Variants in SLC9C1 observed in about 807,000 individuals in gnomAD.
SLC9C1 encodes sodium/hydrogen exchanger 10.
Under a neutral mutation model 140.9 loss-of-function variants are expected in SLC9C1, and 97 were observed. The ratio of observed to expected loss-of-function variants is 0.69; its 90% CI spans 0.58 to 0.82. SLC9C1 has a LOEUF of 0.82. Ranked by LOEUF, SLC9C1 falls within the 40% of genes least tolerant of loss-of-function variation. SLC9C1 has a pLI of 0.00. For synonymous variants in SLC9C1, 440 were observed against 442.6 expected (o/e 0.99, Z 0.07); for missense variants, 1,340 against 1,389.3 (o/e 0.96, Z 0.56).
chr3:112,233,267 C>T (rs1489805874), intron 12 of SLC9C1, among the ~76,000 whole-genome samples: 1 of 151,748 alleles, frequency 6.6e-6, no homozygotes, highest in Non-Finnish European at 1.5e-5. Flanking sequence ...ATGGTTTTGG[C>T]ATGTTGCCAG....
chr3:112,242,283 A>G (rs1559703726), intron 11 of SLC9C1, among the ~76,000 whole-genome samples: 1 of 152,158 alleles, frequency 6.6e-6, no homozygotes, highest in Non-Finnish European at 1.5e-5. Context: ...GCAAAGGTTA[A>G]GTGTCCATCA....
intron 20 of SLC9C1, among the ~76,000 whole-genome samples, chr3:112,187,858 A>C (rs2077568968): frequency 6.6e-6 from 1 of 152,088 alleles, no homozygotes; most frequent in Non-Finnish European, 1.5e-5. Context: ...TAAAAATCTA[A>C]AATGACCATC....
chr3:112,255,477 A>T (rs1025381896), intron 10 of SLC9C1, among the ~76,000 whole-genome samples: 2 of 152,186 alleles, frequency 1.3e-5, no homozygotes, highest in African/African-American at 4.8e-5. Context: ...CTGCTTCTTA[A>T]TGAGTTTTGG....
chr3:112,200,323 A>T (rs1240014913), intron 19 of SLC9C1, among the ~76,000 whole-genome samples: 1 of 152,094 alleles, frequency 6.6e-6, no homozygotes, highest in African/African-American at 2.4e-5. Flanking sequence ...TAAGACCTAA[A>T]TCCTTAAATG....
rs114032968 is a variant in SLC9C1 at position 112,176,510 on chromosome 3, G to A, written c.2919+3021C>T. Among the ~76,000 whole-genome samples, 948 of 152,228 alleles carry A rather than the reference G, an allele frequency of 6.2e-3. 14 individuals are homozygous for A. The highest frequency in any genetic ancestry group is 0.022 in the African/African-American group (907 of 41,528). On this transcript the variant is annotated intron_variant, in intron 23 of 28. Coordinates refer to ENST00000305815, the MANE Select transcript of SLC9C1 (RefSeq NM_183061.3). Reference sequence around the variant, plus strand: ...AAGTCTTTGACCAATCTATAGTCTGGACAATCTCCATGATGGTTTTTACCG... The same window carrying A: ...AAGTCTTTGACCAATCTATAGTCTGAACAATCTCCATGATGGTTTTTACCG...
At chr3:112,214,085 G>T (rs146850805) in intron 15 of SLC9C1, among the ~76,000 whole-genome samples, 1 of 152,140 alleles carries the variant, frequency 6.6e-6, no homozygotes, top group Non-Finnish European at 1.5e-5. Context: ...CATGGAAACC[G>T]AACAACCAGC....
At chr3:112,177,891 A>C (rs2077369875) in intron 23 of SLC9C1, among the ~76,000 whole-genome samples, 1 of 150,948 alleles carries the variant, frequency 6.6e-6, no homozygotes, top group Non-Finnish European at 1.5e-5. Context: ...TATCATAAAT[A>C]TATAATTTTA....
intron 26 of SLC9C1, among the ~76,000 whole-genome samples, chr3:112,157,892 T>C (rs2075173262): frequency 6.6e-6 from 1 of 151,956 alleles, no homozygotes; most frequent in South Asian, 2.1e-4. Context: ...CTTTGCTGGA[T>C]TTATCAGTTT....
chr3:112,217,415 T>A lies in SLC9C1; in HGVS notation c.1790+27A>T, dbSNP rs571961304. 4.1e-5 allele frequency: 64 copies of A among 1,556,402 alleles called. 1 individual carries two copies. In the South Asian group the frequency reaches 7.7e-4, roughly 19 times the overall value. On this transcript the variant is annotated intron_variant, in intron 15 of 28. Transcript: ENST00000305815. ...GGAATTTCAAGTGAATATAATAGCA[T>A]TTCTTATAAGGTTCAAAAGCACTTA...
chr3:112,157,232 CA>C (rs1197602916), intron 26 of SLC9C1, among the ~76,000 whole-genome samples: 1 of 152,000 alleles, frequency 6.6e-6, no homozygotes, highest in Non-Finnish European at 1.5e-5. Flanking sequence ...CATTCTTCTG[CA>C]TATGGATGTC....
At chr3:112,281,921 G>C (rs1264505256) in intron 2 of SLC9C1, among the ~76,000 whole-genome samples, 1 of 152,110 alleles carries the variant, frequency 6.6e-6, no homozygotes, top group Non-Finnish European at 1.5e-5. Flanking sequence ...TTTAAGAAGG[G>C]ATATGTAATG....
At chr3:112,165,739 T>A (rs1292779489) in intron 26 of SLC9C1, among the ~76,000 whole-genome samples, 1 of 152,194 alleles carries the variant, frequency 6.6e-6, no homozygotes, top group African/African-American at 2.4e-5. Context: ...GAGGAGGCAG[T>A]TTGTCCATTC....
At chr3:112,233,393 T>A (rs921654429) in intron 12 of SLC9C1, among the ~76,000 whole-genome samples, 1 of 152,114 alleles carries the variant, frequency 6.6e-6, no homozygotes, top group Non-Finnish European at 1.5e-5. Flanking sequence ...GGAGCTCCAA[T>A]ACACAGCCTC....
At chr3:112,267,575 C>CAAAAAAAAAAAA (rs71933510) in intron 7 of SLC9C1, among the ~76,000 whole-genome samples, 4 of 56,848 alleles carry the variant, frequency 7.0e-5, no homozygotes, top group African/African-American at 1.4e-4. Flanking sequence ...GACTCCGTCT[C>CAAAAAAAAAAAA]AAAAAAAAAA....
intron 20 of SLC9C1, among the ~76,000 whole-genome samples, chr3:112,196,354 G>A (rs1039621809): frequency 1.3e-5 from 2 of 152,038 alleles, no homozygotes; most frequent in African/African-American, 4.8e-5. Flanking sequence ...ATTATAATGT[G>A]TCTAGATGTG....
chr3:112,189,533 TG>T (rs1217401052), intron 20 of SLC9C1, among the ~76,000 whole-genome samples: 1 of 152,192 alleles, frequency 6.6e-6, no homozygotes, highest in Non-Finnish European at 1.5e-5. Flanking sequence ...AAAGATCAGA[TG>T]GTTGTAGATG....
intron 26 of SLC9C1, among the ~76,000 whole-genome samples, chr3:112,158,018 C>T (rs762128465): frequency 5.9e-5 from 9 of 151,752 alleles, no homozygotes; most frequent in Non-Finnish European, 8.8e-5. Context: ...TTTTTTCCCT[C>T]GCCTAATTGC....
intron 26 of SLC9C1, among the ~76,000 whole-genome samples, chr3:112,162,403 G>T (rs2075329166): frequency 6.6e-6 from 1 of 152,060 alleles, no homozygotes; most frequent in South Asian, 2.1e-4. Context: ...TATTGGCTGT[G>T]GGTTTGTCAT....
Position 112,190,042 on chromosome 3 carries a change from A to G in SLC9C1, c.2524-7784T>C, listed in dbSNP as rs1167993080. On this transcript the variant is annotated intron_variant, in intron 20 of 28. Transcript: ENST00000305815. The stretch of plus-strand genomic sequence containing the variant: ...CGATTTGGCTCTCTGTTTGTCTGTT[A>G]TTTGTGTATATGAATGCTTGTGATT... Among the ~76,000 whole-genome samples the G allele has an allele frequency of 3.9e-5, 6 of 151,964 alleles. No homozygotes were observed. In the East Asian group the frequency reaches 7.7e-4, roughly 20 times the overall value.
Sources: gnomAD v4.1 joint callset for allele counts (sites outside exome capture counted in the v4.1 genomes callset) on GRCh38, gnomAD v4.1.1 for gene constraint, MANE v1.5 for transcripts, NCBI Gene and HGNC (gene_info 2026-07-23, HGNC 2026-07-21) for gene names.